Variants in OSBP2 observed in about 807,000 individuals in gnomAD.
OSBP2 encodes the protein oxysterol binding protein 2, also known as oxysterol-binding protein 2.
OSBP2 carries 66 observed loss-of-function variants against 96.0 expected under a neutral mutation model. That is an observed-to-expected ratio of 0.69 (90% CI 0.56 to 0.84). The LOEUF is 0.84. Ranked by LOEUF, OSBP2 falls within the 40% of genes least tolerant of loss-of-function variation. The pLI, the probability that OSBP2 is intolerant of heterozygous loss-of-function variation, is 0.00. For synonymous variants in OSBP2, 525 were observed against 520.9 expected, an observed-to-expected ratio of 1.01 and a Z score of -0.11; for missense variants, 1,038 against 1,222.7, an observed-to-expected ratio of 0.85 and a Z score of 2.25.
At chr22:30,892,922 C>CCGGATGCTTTTCTGCTCAAGG (rs2147165130) in intron 8 of OSBP2, among the ~76,000 whole-genome samples, 200 bp from the exon 9 acceptor site, 1 of 152,328 alleles carries the variant, frequency 6.6e-6, no homozygotes, top group South Asian at 2.1e-4. Flanking sequence ...AGGACAGCAC[C>CCGGATGCTTTTCTGCTCAAGG]CGGATGCTTT....
chr22:30,887,619 G>A lies in OSBP2; in HGVS notation c.1300+1G>A. On this transcript the variant is annotated splice_donor_variant, in intron 4 of 13. Coordinates refer to ENST00000332585, the MANE Select transcript of OSBP2 (RefSeq NM_030758.4). LOFTEE classifies it high-confidence loss of function. ...AACCCCTCCAAGAGCTTCATTGAGG[G>A]TGAGTGGGCAGCCAGGGCAGGGCTG... 1 of 1,590,176 alleles carries A rather than the reference G, an allele frequency of 6.3e-7. No homozygotes were observed. Among genetic ancestry groups the A allele is most frequent in the Non-Finnish European group, 8.6e-7 (1 of 1,169,398 alleles).
chr22:30,872,927 C>G (rs1322446647), intron 3 of OSBP2, among the ~76,000 whole-genome samples: 4 of 152,212 alleles, frequency 2.6e-5, no homozygotes, highest in African/African-American at 2.4e-5. Context: ...GCCTGAAGGT[C>G]GTGGGATACA....
intron 1 of OSBP2, among the ~76,000 whole-genome samples, chr22:30,711,605 C>T (rs561131835): frequency 2.6e-5 from 4 of 151,942 alleles, no homozygotes; most frequent in East Asian, 3.9e-4. Flanking sequence ...CCAGGCATGG[C>T]GGTGTGTGCC....
At chr22:30,894,160 C>A (rs185437447) in intron 12 of OSBP2, 159 bp downstream of exon 12, 5 of 623,132 alleles carry the variant, frequency 8.0e-6, no homozygotes, top group Non-Finnish European at 8.4e-6. Context: ...AAGGCAGACA[C>A]CGAACAGTAA....
intron 2 of OSBP2, among the ~76,000 whole-genome samples, chr22:30,745,737 G>T (rs991512588): frequency 2.7e-5 from 4 of 149,976 alleles, no homozygotes; most frequent in Non-Finnish European, 5.9e-5. Flanking sequence ...CCAATAGAGA[G>T]AATGAATGAA....
At chr22:30,738,213 C>G (rs760690299) in intron 1 of OSBP2, among the ~76,000 whole-genome samples, 9 of 152,000 alleles carry the variant, frequency 5.9e-5, no homozygotes, top group South Asian at 4.1e-4. Flanking sequence ...AAGCTGAGAA[C>G]TGCCCCTCAC....
At chr22:30,905,440 C>T (rs1011452602) in intron 12 of OSBP2, among the ~76,000 whole-genome samples, 8 of 151,240 alleles carry the variant, frequency 5.3e-5, no homozygotes, top group Non-Finnish European at 8.8e-5. Flanking sequence ...CCGTGCCCAG[C>T]GGAGACCCTG....
upstream of OSBP2, chr22:30,694,122 G>A (rs1414457986): frequency 8.1e-5 from 126 of 1,549,054 alleles, no homozygotes; most frequent in Non-Finnish European, 1.1e-4. Flanking sequence ...CAGGGATCCC[G>A]GGAGGTCCAA....
chr22:30,868,379 G>A (rs1173969871), intron 2 of OSBP2, among the ~76,000 whole-genome samples: 1 of 152,204 alleles, frequency 6.6e-6, no homozygotes, highest in Admixed American at 6.5e-5. Context: ...AACAGCTTAC[G>A]GAGCCAGTGG....
rs759975214 is a variant in OSBP2 at position 30,905,888 on chromosome 22, C to T, written c.2427C>T (p.Asn809=). 1.2e-6 allele frequency: 2 copies of T among 1,613,438 alleles called. No homozygotes were observed. Among genetic ancestry groups the T allele is most frequent in the Middle Eastern group, 1.6e-4 (1 of 6,062 alleles). The part of the protein sequence containing the change: ...YYFSELALTL[N]EHEEGVAPTD... ...TCTCAGAGCTGGCCCTGACCCTCAACGAGCACGAGGAGGGCGTAGCGCCAA... is the reference window on the plus strand; with the variant it reads ...TCTCAGAGCTGGCCCTGACCCTCAATGAGCACGAGGAGGGCGTAGCGCCAA... Residue 809 remains asparagine (N), a synonymous_variant, in exon 13 of 14, where the codon AAC becomes AAT. Transcript: ENST00000332585.
At position 30,695,437 on chromosome 22, in the gene OSBP2, A is replaced by G. The variant is rs766220246; in HGVS notation, c.528A>G (p.Pro176=). The G allele has an allele frequency of 6.2e-7, 1 of 1,613,714 alleles. No homozygotes were observed. Among genetic ancestry groups the G allele is most frequent in the South Asian group, 1.1e-5 (1 of 91,088 alleles). Residue 176 remains proline (P), a synonymous_variant, in exon 1 of 14, where the codon CCA becomes CCG. Transcript: ENST00000332585. ...MSGTGTTSSA[P]LALLPLDSFE... ...GGACTGGCACGACCTCCAGTGCCCC[A>G]CTGGCCTTACTGCCTCTGGACAGCT...
intron 1 of OSBP2, among the ~76,000 whole-genome samples, chr22:30,738,257 C>T (rs2089885108): frequency 1.3e-5 from 2 of 152,096 alleles, no homozygotes; most frequent in Non-Finnish European, 2.9e-5. Context: ...TCTCTCTGTC[C>T]GGAACACTGC....
intron 1 of OSBP2, among the ~76,000 whole-genome samples, chr22:30,730,728 C>G (rs1340763619): frequency 9.3e-5 from 2 of 21,518 alleles, no homozygotes; most frequent in Non-Finnish European, 1.8e-4. Flanking sequence ...CTCTCTCTCT[C>G]TCTCTCTCTC....
At chr22:30,877,108 T>C (rs1193228475) in intron 3 of OSBP2, among the ~76,000 whole-genome samples, 1 of 151,912 alleles carries the variant, frequency 6.6e-6, no homozygotes, top group Non-Finnish European at 1.5e-5. Flanking sequence ...CTGTAGCCTC[T>C]ATGCCTGGCT....
chr22:30,906,423 T>C lies in OSBP2; in HGVS notation c.*84T>C, dbSNP rs1175639461. On this transcript the variant is annotated 3_prime_UTR_variant, in exon 14 of 14. Transcript: ENST00000332585. ...GCACTCAATTTAGTACTGAATGGTCTTTCTCCCAGCCCATTCCCAGCCCTT... is the reference window on the plus strand; with the variant it reads ...GCACTCAATTTAGTACTGAATGGTCCTTCTCCCAGCCCATTCCCAGCCCTT... The C allele has an allele frequency of 1.4e-6, 2 of 1,429,800 alleles. No individual in the cohort carries two copies. The highest frequency in any genetic ancestry group is 1.9e-6 in the Non-Finnish European group (2 of 1,074,342). 88.6% of individuals were successfully genotyped at this position (1,429,800 alleles called of 1,614,324 possible).
intron 2 of OSBP2, among the ~76,000 whole-genome samples, chr22:30,784,412 C>A (rs2090559823): frequency 6.6e-6 from 1 of 151,840 alleles, no homozygotes; most frequent in Non-Finnish European, 1.5e-5. Context: ...TGCCACCATG[C>A]CTGGCTGATT....
In OSBP2 at chr22:30,902,196, CAGA is replaced by C. The variant is rs1340900317; in HGVS notation, c.2376-3638_2376-3636del. On this transcript the variant is annotated intron_variant, in intron 12 of 13. Coordinates refer to ENST00000332585, the MANE Select transcript of OSBP2 (RefSeq NM_030758.4). ...TACTGGTGGCCATGGTTCCCGTAGC[CAGA>C]AGGAGTCGCTCACAGAGCCCCACAC... 3 of 1,132,696 alleles carry C rather than the reference CAGA, an allele frequency of 2.6e-6. No individual in the cohort carries two copies. In the African/African-American group the frequency reaches 4.7e-5, roughly 18 times the overall value. 70.2% of individuals were successfully genotyped at this position (1,132,696 alleles called of 1,614,324 possible). A position where few individuals can be genotyped will look rare whatever the true frequency, so the allele number is the denominator to read the frequency against.
intron 2 of OSBP2, among the ~76,000 whole-genome samples, chr22:30,765,148 C>A (rs1331523680): frequency 6.6e-6 from 1 of 152,166 alleles, no homozygotes; most frequent in Non-Finnish European, 1.5e-5. Context: ...CCTGCCTCGG[C>A]CTCCCAAAGT....
chr22:30,835,885 A>T (rs551713982), intron 2 of OSBP2, among the ~76,000 whole-genome samples: 77 of 148,174 alleles, frequency 5.2e-4, no homozygotes, highest in Non-Finnish European at 7.4e-4. Flanking sequence ...ACCTGGCTAA[A>T]TTTTTTTTTT....
Sources: allele counts gnomAD v4.1 joint callset (sites outside exome capture counted in the v4.1 genomes callset), GRCh38; gene constraint gnomAD v4.1.1; transcripts MANE v1.5; gene names NCBI Gene and HGNC (gene_info 2026-07-23, HGNC 2026-07-21).